Variants in PPP2R2B observed in about 807,000 individuals in gnomAD.
PPP2R2B encodes the protein protein phosphatase 2 regulatory subunit Bbeta, also known as serine/threonine-protein phosphatase 2A 55 kDa regulatory subunit B beta isoform.
PPP2R2B carries 5 observed loss-of-function variants against 46.0 expected under a neutral mutation model. The ratio of observed to expected loss-of-function variants is 0.11; its 90% confidence interval spans 0.06 to 0.23. The LOEUF is 0.23. PPP2R2B is among the 10% of genes least tolerant of loss of function. The probability of loss-of-function intolerance (pLI) is 1.00; values close to 1 mark genes in which losing one functional copy is unlikely to be tolerated. For synonymous variants in PPP2R2B, 215 were observed against 206.7 expected, an observed-to-expected ratio of 1.04 and a Z score of -0.34; for missense variants, 367 against 575.0, an observed-to-expected ratio of 0.64 and a Z score of 3.70.
intron 1 of PPP2R2B, among the ~76,000 whole-genome samples, chr5:147,048,141 G>A (rs187151717): frequency 6.6e-5 from 10 of 152,260 alleles, no homozygotes; most frequent in East Asian, 1.9e-4. Context: ...AGTTGTGTGC[G>A]TATGCATTTT....
chr5:146,936,491 G>A (rs1247564180), intron 1 of PPP2R2B, among the ~76,000 whole-genome samples: 6 of 123,366 alleles, frequency 4.9e-5, no homozygotes, highest in South Asian at 2.7e-4. Context: ...AAAAACCCTA[G>A]ACAGTTATGA....
At chr5:146,805,021 C>G (rs1461184815) in intron 2 of PPP2R2B, among the ~76,000 whole-genome samples, 1 of 152,174 alleles carries the variant, frequency 6.6e-6, no homozygotes, top group Non-Finnish European at 1.5e-5. Context: ...GCACCATAAA[C>G]AACGGCAATT....
intron 2 of PPP2R2B, among the ~76,000 whole-genome samples, chr5:146,715,052 T>C (rs1266958658): frequency 6.6e-6 from 1 of 152,206 alleles, no homozygotes; most frequent in East Asian, 1.9e-4. Flanking sequence ...GACCTCCTTT[T>C]GGCCTTCCTT....
At chr5:146,797,607 C>T (rs1221929073) in intron 2 of PPP2R2B, among the ~76,000 whole-genome samples, 3 of 152,182 alleles carry the variant, frequency 2.0e-5, no homozygotes, top group East Asian at 3.8e-4. Context: ...CTTAAAGAGA[C>T]CTATCTACTG....
At chr5:147,058,709 T>C (rs1171269200), upstream of PPP2R2B, among the ~76,000 whole-genome samples, 1 of 152,184 alleles carries the variant, frequency 6.6e-6, no homozygotes, top group Non-Finnish European at 1.5e-5. Flanking sequence ...GAGAACAAAT[T>C]TGAAATTTCT....
chr5:146,927,047 C>T (rs1763805654), intron 1 of PPP2R2B, among the ~76,000 whole-genome samples: 1 of 152,134 alleles, frequency 6.6e-6, no homozygotes, highest in Non-Finnish European at 1.5e-5. Flanking sequence ...GCTTGCTGTA[C>T]CTTGGCAGAA....
chr5:146,737,979 T>C (rs1752639460), intron 2 of PPP2R2B, among the ~76,000 whole-genome samples: 1 of 151,782 alleles, frequency 6.6e-6, no homozygotes, highest in Non-Finnish European at 1.5e-5. Context: ...GTTAGAAACC[T>C]ACTCAGACCT....
rs1753331649 is a variant in PPP2R2B at position 146,748,444 on chromosome 5, T to C, written c.71-47302A>G. 2.0e-5 allele frequency among the ~76,000 whole-genome samples: 3 copies of C among 152,186 alleles called. No individual in the cohort carries two copies. The South Asian group carries it at 6.2e-4, about 32-fold the overall frequency. Reference sequence around the variant, plus strand: ...TGGAGATACAGACAATTTCCATCACTATAAAAATCTCTCCTGTTGCCCTTT... The same window carrying C: ...TGGAGATACAGACAATTTCCATCACCATAAAAATCTCTCCTGTTGCCCTTT... On this transcript the variant is annotated intron_variant, in intron 2 of 9. Coordinates refer to ENST00000394411, the MANE Select transcript of PPP2R2B (RefSeq NM_181675.4).
chr5:146,807,776 C>CTGTTTTTT (rs1757269949), intron 2 of PPP2R2B, among the ~76,000 whole-genome samples: 1 of 36,902 alleles, frequency 2.7e-5, no homozygotes, highest in Non-Finnish European at 5.5e-5. Context: ...GGGGTGCCTT[C>CTGTTTTTT]TTTTTTTTTT....
chr5:146,753,514 TC>T (rs1357414175), intron 2 of PPP2R2B, among the ~76,000 whole-genome samples: 1 of 152,186 alleles, frequency 6.6e-6, no homozygotes, highest in Non-Finnish European at 1.5e-5. Context: ...CTAGGCCAGT[TC>T]CTTTTGTCAG....
chr5:146,938,863 C>T (rs1764239080), intron 1 of PPP2R2B, among the ~76,000 whole-genome samples: 2 of 148,516 alleles, frequency 1.3e-5, no homozygotes, highest in South Asian at 4.3e-4. Flanking sequence ...TCACTGCAAC[C>T]TCCACCTCCC....
intron 1 of PPP2R2B, among the ~76,000 whole-genome samples, chr5:146,896,168 G>A (rs974172333): frequency 2.0e-5 from 3 of 152,062 alleles, no homozygotes; most frequent in Admixed American, 1.3e-4. Flanking sequence ...ATAATTTTAA[G>A]AACAGGGTAG....
chr5:146,738,022 C>G (rs1752642111), intron 2 of PPP2R2B, among the ~76,000 whole-genome samples: 1 of 152,070 alleles, frequency 6.6e-6, no homozygotes, highest in East Asian at 1.9e-4. Flanking sequence ...GGTACAAAGA[C>G]CATCAACACA....
intron 1 of PPP2R2B, among the ~76,000 whole-genome samples, chr5:147,005,647 G>A (rs1290725010): frequency 1.3e-5 from 2 of 151,970 alleles, no homozygotes; most frequent in African/African-American, 2.4e-5. Flanking sequence ...CAGCAGAAAG[G>A]AAAGAGAGAA....
chr5:147,024,633 A>G (rs1755444812), intron 1 of PPP2R2B, among the ~76,000 whole-genome samples: 1 of 152,184 alleles, frequency 6.6e-6, no homozygotes, highest in South Asian at 2.1e-4. Flanking sequence ...CTCTGGCCAC[A>G]AAAGATTAAA....
At chr5:146,725,501 A>G (rs1300838978) in intron 2 of PPP2R2B, among the ~76,000 whole-genome samples, 1 of 152,216 alleles carries the variant, frequency 6.6e-6, no homozygotes, top group East Asian at 1.9e-4. Flanking sequence ...AGCCTGCCTT[A>G]GAAGATAATC....
chr5:146,595,081 G>A (rs988858234), intron 8 of PPP2R2B, among the ~76,000 whole-genome samples: 96 of 152,304 alleles, frequency 6.3e-4, no homozygotes, highest in African/African-American at 2.2e-3. Flanking sequence ...TTCTAACTCT[G>A]CAAATTAATT....
intron 5 of PPP2R2B, among the ~76,000 whole-genome samples, chr5:146,654,584 G>A (rs1289902137): frequency 6.6e-6 from 1 of 152,094 alleles, no homozygotes; most frequent in African/African-American, 2.4e-5. Flanking sequence ...ACAGTGGGAG[G>A]CCATAGTGTC....
At chr5:146,916,252 A>G (rs1763379240) in intron 1 of PPP2R2B, among the ~76,000 whole-genome samples, 1 of 151,798 alleles carries the variant, frequency 6.6e-6, no homozygotes, top group African/African-American at 2.4e-5. Flanking sequence ...TTCATCCCAG[A>G]AGAGTGAAAA....
Sources: gnomAD v4.1 joint callset for allele counts (sites outside exome capture counted in the v4.1 genomes callset) on GRCh38, gnomAD v4.1.1 for gene constraint, MANE v1.5 for transcripts, NCBI Gene and HGNC (gene_info 2026-07-23, HGNC 2026-07-21) for gene names.